LRMDA: variants seen among roughly 807,000 people sequenced by gnomAD.
LRMDA encodes the protein leucine rich melanocyte differentiation associated.
Under a neutral mutation model 29.8 loss-of-function variants are expected in LRMDA, and 18 were observed. That is an observed-to-expected ratio of 0.60 (90% CI 0.42 to 0.90). The LOEUF (loss-of-function observed/expected upper bound fraction) is 0.90. LRMDA is among the 40% of genes least tolerant of loss of function. The probability of loss-of-function intolerance (pLI) is 0.00; values close to 1 mark genes in which losing one functional copy is unlikely to be tolerated. For synonymous variants in LRMDA, 125 were observed against 109.4 expected (o/e 1.14, Z -0.89); for missense variants, 273 against 273.9 (o/e 1.00, Z 0.02).
intron 6 of LRMDA, among the ~76,000 whole-genome samples, chr10:76,373,542 A>G (rs1281364043): frequency 6.6e-6 from 1 of 152,090 alleles, no homozygotes; most frequent in Non-Finnish European, 1.5e-5. Flanking sequence ...AATTATTCTC[A>G]CCTGGACAAG....
chr10:75,764,142 G>A (rs1440546967), intron 2 of LRMDA, among the ~76,000 whole-genome samples: 1 of 152,006 alleles, frequency 6.6e-6, no homozygotes, highest in African/African-American at 2.4e-5. Flanking sequence ...TCCCTTTCTA[G>A]CTCTCTCTTT....
chr10:76,047,085 A>T, intron 3 of LRMDA, 79 bp from the exon 4 acceptor site: 1 of 1,519,238 alleles, frequency 6.6e-7, no homozygotes, highest in Non-Finnish European at 9.1e-7. Context: ...GACTGGACTC[A>T]TCAGCGCCTG....
intron 2 of LRMDA, among the ~76,000 whole-genome samples, chr10:75,621,199 TACACAC>T (rs753933285): frequency 7.3e-6 from 1 of 136,634 alleles, no homozygotes; most frequent in Non-Finnish European, 1.6e-5. Flanking sequence ...AGTATTCCAT[TACACAC>T]ACACACACAC....
intron 5 of LRMDA, among the ~76,000 whole-genome samples, chr10:76,147,093 C>G (rs961618212): frequency 1.5e-4 from 23 of 152,142 alleles, no homozygotes; most frequent in African/African-American, 5.3e-4. Flanking sequence ...GGTAACCCGA[C>G]CTTTCTCTCT....
intron 2 of LRMDA, among the ~76,000 whole-genome samples, chr10:75,738,250 C>T (rs572959849): frequency 4.6e-4 from 70 of 152,080 alleles, no homozygotes; most frequent in African/African-American, 1.5e-3. Context: ...GGAGGTAGGG[C>T]CTTTGGTGGG....
chr10:76,345,225 C>T (rs1228623343), intron 6 of LRMDA, among the ~76,000 whole-genome samples: 1 of 147,988 alleles, frequency 6.8e-6, no homozygotes, highest in African/African-American at 2.5e-5. Context: ...CGCTACCACG[C>T]CCGGCTAATT....
intron 5 of LRMDA, among the ~76,000 whole-genome samples, chr10:76,137,591 G>C (rs564264908): frequency 6.6e-6 from 1 of 152,214 alleles, no homozygotes; most frequent in Admixed American, 6.5e-5. Context: ...GGCCCTCCTG[G>C]GAGTCAGGAG....
intron 5 of LRMDA, among the ~76,000 whole-genome samples, chr10:76,304,673 C>A (rs975368284): frequency 1.3e-5 from 2 of 152,160 alleles, no homozygotes; most frequent in African/African-American, 2.4e-5. Context: ...ATTTTAAGTT[C>A]ATTTAATTTA....
intron 6 of LRMDA, among the ~76,000 whole-genome samples, chr10:76,439,827 A>G (rs945785178): frequency 4.6e-5 from 7 of 152,232 alleles, no homozygotes; most frequent in Admixed American, 3.3e-4. Flanking sequence ...AAATAGTGTC[A>G]TATCTGAAAT....
At chr10:75,547,824 G>A (rs1840097292) in intron 2 of LRMDA, among the ~76,000 whole-genome samples, 1 of 152,116 alleles carries the variant, frequency 6.6e-6, no homozygotes, top group South Asian at 2.1e-4. Flanking sequence ...TAGAAACCTG[G>A]TCTGTGATCA....
At chr10:75,456,862 G>A (rs1844523698) in intron 2 of LRMDA, among the ~76,000 whole-genome samples, 1 of 152,178 alleles carries the variant, frequency 6.6e-6, no homozygotes, top group African/African-American at 2.4e-5. Context: ...TTTTAGGAGA[G>A]TCAGGGTTTC....
At chr10:75,780,237 T>C (rs1283276362) in intron 2 of LRMDA, among the ~76,000 whole-genome samples, 1 of 152,208 alleles carries the variant, frequency 6.6e-6, no homozygotes, top group Non-Finnish European at 1.5e-5. Context: ...GTCATGGCTA[T>C]AGTAGCTAGT....
chr10:75,589,984 T>A (rs1840702576), intron 2 of LRMDA, among the ~76,000 whole-genome samples: 1 of 151,820 alleles, frequency 6.6e-6, no homozygotes, highest in African/African-American at 2.4e-5. Context: ...TTTTCTGATT[T>A]GTCATGCAAA....
intron 2 of LRMDA, among the ~76,000 whole-genome samples, chr10:75,643,845 A>T (rs965913936): frequency 6.6e-6 from 1 of 151,636 alleles, no homozygotes; most frequent in African/African-American, 2.4e-5. Context: ...GTAAGAAAAA[A>T]CTCTTATGCA....
intron 2 of LRMDA, among the ~76,000 whole-genome samples, chr10:76,001,430 T>A (rs1847560930): frequency 6.6e-6 from 1 of 152,218 alleles, no homozygotes; most frequent in Non-Finnish European, 1.5e-5. Flanking sequence ...ACATGATTTA[T>A]GAAGTTTCAA....
In LRMDA at chr10:76,463,071, A is replaced by G. The variant is rs529188701; in HGVS notation, c.602-94138A>G. Reference sequence around the variant, plus strand: ...GGGGTCCCTTGGTTAGTCTGGTGGCATTTTGCTAGACTGCAGCTTCAGGGA... The same window carrying G: ...GGGGTCCCTTGGTTAGTCTGGTGGCGTTTTGCTAGACTGCAGCTTCAGGGA... On this transcript the variant is annotated intron_variant, in intron 6 of 6. Coordinates refer to ENST00000611255, the MANE Select transcript of LRMDA (RefSeq NM_001305581.2). Among the ~76,000 whole-genome samples the G allele has an allele frequency of 2.0e-5, 3 of 152,220 alleles. No individual in the cohort carries two copies. In the South Asian group the frequency reaches 6.2e-4, roughly 32 times the overall value.
chr10:75,944,753 T>A (rs933711589), intron 2 of LRMDA, among the ~76,000 whole-genome samples: 1 of 148,398 alleles, frequency 6.7e-6, no homozygotes, highest in Non-Finnish European at 1.5e-5. Flanking sequence ...TATATATATA[T>A]AAAATAAAAT....
intron 5 of LRMDA, among the ~76,000 whole-genome samples, chr10:76,150,888 G>GT (rs2132165076): frequency 6.6e-6 from 1 of 152,324 alleles, no homozygotes; most frequent in Admixed American, 6.5e-5. Flanking sequence ...CTGAGACGCA[G>GT]TTTTGTTTAA....
At chr10:75,936,189 G>C (rs778346458) in intron 2 of LRMDA, among the ~76,000 whole-genome samples, 1 of 152,062 alleles carries the variant, frequency 6.6e-6, no homozygotes, top group African/African-American at 2.4e-5. Flanking sequence ...AGGATGTTCT[G>C]TCTGTGGGCG....
Sources: allele counts gnomAD v4.1 joint callset (sites outside exome capture counted in the v4.1 genomes callset), GRCh38; gene constraint gnomAD v4.1.1; transcripts MANE v1.5; gene names NCBI Gene and HGNC (gene_info 2026-07-23, HGNC 2026-07-21).